The following ARHGAP5 variants were observed in gnomAD, a reference collection of about 807,000 sequenced individuals.
The protein encoded by ARHGAP5 is Rho GTPase activating protein 5, also known as rho GTPase-activating protein 5.
A neutral mutation model predicts 116.6 loss-of-function variants in ARHGAP5; 23 were observed. The observed-to-expected ratio is 0.20, with a 90% CI of 0.14 to 0.28. ARHGAP5 has a LOEUF of 0.28. ARHGAP5 is among the 10% of genes least tolerant of loss of function. The pLI is 1.00. For missense variants in ARHGAP5, 1,405 were observed against 1,774.8 expected, an observed-to-expected ratio of 0.79 and a Z score of 3.74; for synonymous variants, 574 against 602.0, an observed-to-expected ratio of 0.95 and a Z score of 0.68.
At chr14:32,089,421 T>C (rs577010447) in intron 1 of ARHGAP5, among the ~76,000 whole-genome samples, 10 of 151,966 alleles carry the variant, frequency 6.6e-5, no homozygotes, top group African/African-American at 9.6e-5. Context: ...TCCTATCTTA[T>C]GAAATTTGGA....
rs993939478 is a variant in ARHGAP5 at position 32,090,615 on chromosome 14, G to T, written c.-55G>T. The T allele has an allele frequency of 8.4e-6, 12 of 1,431,310 alleles. No homozygotes were observed. The highest frequency in any genetic ancestry group is 4.3e-5 in the African/African-American group (3 of 69,804). The allele number at this position is 1,431,310 out of a possible 1,614,324, so 88.7% of individuals were successfully genotyped here. A position where few individuals can be genotyped will look rare whatever the true frequency, so the allele number is the denominator to read the frequency against. The stretch of plus-strand genomic sequence containing the variant: ...GTATTTTGAGATGATTTTATTTTCA[G>T]AATGAGAAGCATATCTGGTTACCTT... On this transcript the variant is annotated 5_prime_UTR_variant, in exon 2 of 7. The change creates a premature stop within an existing upstream ORF in the 5' untranslated region. Transcript: ENST00000345122.
chr14:32,100,555 T>A (rs1366520684), intron 2 of ARHGAP5, among the ~76,000 whole-genome samples: 1 of 152,156 alleles, frequency 6.6e-6, no homozygotes, highest in African/African-American at 2.4e-5. Context: ...TTACACTGTT[T>A]TAGGTTATTA....
At chr14:32,112,657 G>A (rs1879371489) in intron 2 of ARHGAP5, among the ~76,000 whole-genome samples, 1 of 152,164 alleles carries the variant, frequency 6.6e-6, no homozygotes, top group Non-Finnish European at 1.5e-5. Context: ...CAGATTACGA[G>A]GTCAGGAGAT....
chr14:32,135,835 G>A (rs1188908289), intron 3 of ARHGAP5, among the ~76,000 whole-genome samples: 1 of 152,172 alleles, frequency 6.6e-6, no homozygotes, highest in Non-Finnish European at 1.5e-5. Context: ...TGAGCATAGT[G>A]CCTAGTTAAT....
At position 32,149,919 on chromosome 14, in the gene ARHGAP5, G is replaced by A. The variant is rs754469554; in HGVS notation, c.3961G>A (p.Val1321Met). 3.2e-6 allele frequency: 5 copies of A among 1,556,170 alleles called. No homozygotes were observed. The African/African-American group carries it at 6.9e-5, about 21-fold the overall frequency. ...QFDQDHNINL[V>M]SMEVTVNAVA... ...TCTTGTAGATCATAATATCAATCTA[G>A]TGTCAATGGAAGTAACAGTAAATGC... Residue 1321 changes from valine to methionine, a missense_variant, in exon 5 of 7, where the codon GTG becomes ATG. Coordinates refer to ENST00000345122, the MANE Select transcript of ARHGAP5 (RefSeq NM_001030055.2).
rs369503160 is a variant in ARHGAP5 at position 32,091,223 on chromosome 14, T to A, written c.554T>A (p.Val185Asp). Reference protein sequence around the residue: ...DQLKFVNNLFVQLSKSKKPVI... With the variant: ...DQLKFVNNLFDQLSKSKKPVI... ...CTTAAATTTGTGAATAACCTTTTTG[T>A]CCAGTTATCAAAATCAAAAAAACCT... The change falls in exon 2 of 7, where the codon GTC becomes GAC. Residue 185 changes from valine to aspartate, a missense_variant. Val to Asp is a radical substitution (Grantham distance 152). This residue lies in a region of ARHGAP5 where 190 missense variants were observed against 314.9 expected (regional missense o/e 0.60). Transcript: ENST00000345122. The A allele has an allele frequency of 6.6e-5, 106 of 1,612,558 alleles. No individual in the cohort carries two copies. Among genetic ancestry groups the A allele is most frequent in the Non-Finnish European group, 8.5e-5 (100 of 1,179,368 alleles).
At chr14:32,082,971 A>G (rs956070936) in intron 1 of ARHGAP5, among the ~76,000 whole-genome samples, 1 of 152,246 alleles carries the variant, frequency 6.6e-6, no homozygotes, top group Non-Finnish European at 1.5e-5. Context: ...ATTGCTTATG[A>G]CAAAGTCTAA....
chr14:32,114,021 G>A (rs1162863261), intron 2 of ARHGAP5, among the ~76,000 whole-genome samples: 2 of 152,178 alleles, frequency 1.3e-5, no homozygotes, highest in African/African-American at 4.8e-5. Context: ...GAGGTCAGGA[G>A]ATCGAGACCA....
intron 1 of ARHGAP5, among the ~76,000 whole-genome samples, chr14:32,085,254 T>A (rs1216266216): frequency 3.3e-5 from 5 of 152,058 alleles, no homozygotes; most frequent in Admixed American, 6.5e-5. Context: ...GAGACCAGCC[T>A]GGGGAGCATA....
intron 1 of ARHGAP5, among the ~76,000 whole-genome samples, chr14:32,079,326 T>A (rs961449319): frequency 1.3e-5 from 2 of 152,232 alleles, no homozygotes; most frequent in Admixed American, 6.5e-5. Flanking sequence ...GGGTTACACT[T>A]TGATGTAAGA....
intron 2 of ARHGAP5, among the ~76,000 whole-genome samples, chr14:32,106,575 C>T (rs1260405666): frequency 2.6e-5 from 4 of 152,074 alleles, no homozygotes; most frequent in Non-Finnish European, 4.4e-5. Flanking sequence ...TTCTGGGGGG[C>T]AGTGCTAAAA....
chr14:32,100,138 C>T lies in ARHGAP5; in HGVS notation c.3717+5752C>T, dbSNP rs1283168226. ...TCCGTGAGTTTCACATCCACAGATT[C>T]CACAAACTGCAGATTGAAAATACTC... On this transcript the variant is annotated intron_variant, in intron 2 of 6. Coordinates refer to ENST00000345122, the MANE Select transcript of ARHGAP5 (RefSeq NM_001030055.2). Among the ~76,000 whole-genome samples, 11 of 152,110 alleles carry T rather than the reference C, an allele frequency of 7.2e-5. No individual in the cohort carries two copies. The East Asian group carries it at 2.1e-3, about 29-fold the overall frequency.
At chr14:32,100,447 C>T (rs1305505873) in intron 2 of ARHGAP5, among the ~76,000 whole-genome samples, 2 of 152,176 alleles carry the variant, frequency 1.3e-5, no homozygotes, top group Non-Finnish European at 2.9e-5. Flanking sequence ...CGTCCTCTAC[C>T]TTGGCCTCCT....
At chr14:32,105,023 A>C (rs1005826375) in intron 2 of ARHGAP5, among the ~76,000 whole-genome samples, 2 of 152,134 alleles carry the variant, frequency 1.3e-5, no homozygotes, top group Non-Finnish European at 2.9e-5. Context: ...GCTAAACTGA[A>C]TTGCAGAATT....
intron 1 of ARHGAP5, among the ~76,000 whole-genome samples, chr14:32,078,669 A>G (rs946557992): frequency 1.3e-5 from 2 of 152,132 alleles, no homozygotes; most frequent in Non-Finnish European, 2.9e-5. Flanking sequence ...ATTCAGTTAG[A>G]ATGTTAGGTG....
Position 32,093,777 on chromosome 14 carries a change from G to A in ARHGAP5, c.3108G>A (p.Val1036=). ...ATGACCATGAACGCAACCATAAAGT[G>A]CCTCCACCTATTAAACCTAAACCAG... ...NCHDHERNHK[V]PPPIKPKPVV... Residue 1036 remains valine, a synonymous_variant, in exon 2 of 7, where the codon GTG becomes GTA. Coordinates refer to ENST00000345122, the MANE Select transcript of ARHGAP5 (RefSeq NM_001030055.2). 1.9e-6 allele frequency: 3 copies of A among 1,613,996 alleles called. No individual in the cohort carries two copies. The highest frequency in any genetic ancestry group is 2.5e-6 in the Non-Finnish European group (3 of 1,179,960).
intron 4 of ARHGAP5, among the ~76,000 whole-genome samples, chr14:32,149,048 A>G (rs566603226): frequency 9.9e-5 from 15 of 152,138 alleles, no homozygotes; most frequent in Admixed American, 8.5e-4. Flanking sequence ...TGGATTTCAG[A>G]TTTTTTTCAA....
At chr14:32,087,781 T>C (rs1384926817) in intron 1 of ARHGAP5, among the ~76,000 whole-genome samples, 1 of 152,056 alleles carries the variant, frequency 6.6e-6, no homozygotes, top group South Asian at 2.1e-4. Context: ...GTGGAAACCA[T>C]AGAAGTCATG....
At chr14:32,125,127 C>T (rs1381712926) in intron 3 of ARHGAP5, among the ~76,000 whole-genome samples, 5 of 152,110 alleles carry the variant, frequency 3.3e-5, no homozygotes, top group African/African-American at 9.7e-5. Flanking sequence ...TTTTCATTTA[C>T]CCCGAAGAAA....
Sources: allele counts gnomAD v4.1 joint callset (sites outside exome capture counted in the v4.1 genomes callset), GRCh38; gene constraint gnomAD v4.1.1; regional missense constraint gnomAD v4.1.1; transcripts MANE v1.5; gene names NCBI Gene and HGNC (gene_info 2026-07-23, HGNC 2026-07-21).